The following GPD1L variants were observed in gnomAD, a reference collection of about 807,000 sequenced individuals.
GPD1L encodes the protein glycerol-3-phosphate dehydrogenase 1 like, also known as glycerol-3-phosphate dehydrogenase 1-like protein.
GPD1L carries 17 observed loss-of-function variants against 32.9 expected under a neutral mutation model. That is an observed-to-expected ratio of 0.52 (90% CI 0.35 to 0.78). The LOEUF is 0.78. Among genes scored for constraint, GPD1L ranks in the 30% least tolerant of loss-of-function variants. GPD1L has a pLI of 0.01. For synonymous variants in GPD1L, 187 were observed against 165.9 expected, an observed-to-expected ratio of 1.13 and a Z score of -0.98; for missense variants, 361 against 447.8, an observed-to-expected ratio of 0.81 and a Z score of 1.75.
At chr3:32,111,027 G>A (rs549643458) in intron 1 of GPD1L, among the ~76,000 whole-genome samples, 14 of 152,218 alleles carry the variant, frequency 9.2e-5, no homozygotes, top group East Asian at 3.9e-4. Context: ...CACCATGCCC[G>A]GCTAAGTTTT....
chr3:32,160,784 C>T (rs1041946804), intron 7 of GPD1L, among the ~76,000 whole-genome samples: 1 of 152,174 alleles, frequency 6.6e-6, no homozygotes, highest in Non-Finnish European at 1.5e-5. Context: ...AGCTTCCCAG[C>T]CTCTCCTGAG....
intron 7 of GPD1L, among the ~76,000 whole-genome samples, chr3:32,161,759 C>A (rs560617093): frequency 6.6e-6 from 1 of 152,326 alleles, no homozygotes; most frequent in Admixed American, 6.5e-5. Context: ...TCTCCTTGGT[C>A]ATGTCCCATT....
At position 32,163,263 on chromosome 3, in the gene GPD1L, G is replaced by C. The variant is rs547723605; in HGVS notation, c.960-2551G>C. 7.2e-4 allele frequency among the ~76,000 whole-genome samples: 103 copies of C among 142,580 alleles called. 2 individuals are homozygous for C. The highest frequency in any genetic ancestry group is 2.5e-3 in the African/African-American group (95 of 38,264). 93.5% of individuals were successfully genotyped at this position (142,580 alleles called of 152,430 possible). ...GGCTCACTGCAACCTCCACCTCCCA[G>C]GTTCACACCATTCTTCTGCCTCAGC... is the stretch of plus-strand genomic sequence containing the variant. On this transcript the variant is annotated intron_variant, in intron 7 of 7. Transcript: ENST00000282541.
chr3:32,133,522 G>A (rs781675109), intron 2 of GPD1L, among the ~76,000 whole-genome samples: 6 of 152,250 alleles, frequency 3.9e-5, no homozygotes, highest in South Asian at 2.1e-4. Context: ...AAAGACCTTG[G>A]AAGGAGTGTA....
intron 4 of GPD1L, among the ~76,000 whole-genome samples, chr3:32,146,040 C>G (rs929613511): frequency 6.6e-6 from 1 of 151,096 alleles, no homozygotes; most frequent in Admixed American, 6.6e-5. Flanking sequence ...GACATTGTGT[C>G]ACTTCTTGGT....
chr3:32,157,490 AC>A (rs1575121943), intron 5 of GPD1L, among the ~76,000 whole-genome samples: 2 of 151,742 alleles, frequency 1.3e-5, no homozygotes, highest in African/African-American at 4.8e-5. Flanking sequence ...TCCCCCTGCC[AC>A]CCGCTAGCCC....
At chr3:32,153,830 T>C (rs1262317880) in intron 5 of GPD1L, among the ~76,000 whole-genome samples, 2 of 152,114 alleles carry the variant, frequency 1.3e-5, no homozygotes, top group African/African-American at 2.4e-5. Flanking sequence ...GGAGAGGAAT[T>C]GAGCCCCATC....
At chr3:32,142,407 G>A (rs1038456776) in intron 4 of GPD1L, among the ~76,000 whole-genome samples, 3 of 152,070 alleles carry the variant, frequency 2.0e-5, no homozygotes, top group South Asian at 2.1e-4. Flanking sequence ...GTGAGCCACC[G>A]CGCCCGGCTG....
chr3:32,128,313 G>C, intron 2 of GPD1L, 60 bp downstream of exon 2: 1 of 1,405,724 alleles, frequency 7.1e-7, no homozygotes, highest in Non-Finnish European at 1.0e-6. Context: ...TGGCTGAGCA[G>C]CACTTGGGTT....
rs184787847 is a variant in GPD1L at position 32,115,963 on chromosome 3, T to C, written c.47+9205T>C. Among the ~76,000 whole-genome samples, 15 of 152,024 alleles carry C rather than the reference T, an allele frequency of 9.9e-5. No individual in the cohort carries two copies. In the East Asian group the frequency reaches 2.9e-3, roughly 29 times the overall value. On this transcript the variant is annotated intron_variant, in intron 1 of 7. Coordinates refer to ENST00000282541, the MANE Select transcript of GPD1L (RefSeq NM_015141.4). Reference sequence around the variant, plus strand: ...CCACCACGCCAGGCTAATTTTTTTGTATTTTTAGTAGAGACGGGGTTTCAC... The same window carrying C: ...CCACCACGCCAGGCTAATTTTTTTGCATTTTTAGTAGAGACGGGGTTTCAC...
chr3:32,159,702 A>G, intron 7 of GPD1L, 28 bp downstream of exon 7: 2 of 1,277,254 alleles, frequency 1.6e-6, no homozygotes, highest in Non-Finnish European at 2.3e-6. Flanking sequence ...CCATGAGACC[A>G]GATAAATGTC....
chr3:32,124,537 CA>C (rs1266102867), intron 1 of GPD1L, among the ~76,000 whole-genome samples: 1 of 152,202 alleles, frequency 6.6e-6, no homozygotes, highest in Admixed American at 6.5e-5. Flanking sequence ...AGTACCATTC[CA>C]GAGGCACAAA....
chr3:32,165,979 C>T lies in GPD1L; in HGVS notation c.*69C>T, dbSNP rs554490497. The T allele has an allele frequency of 3.1e-5, 26 of 842,360 alleles. No individual in the cohort carries two copies. The African/African-American group carries it at 4.0e-4, about 13-fold the overall frequency. The allele number at this position is 842,360 out of a possible 1,614,324, so 52.2% of individuals were successfully genotyped here. ...CAATCTTTTGGGTTCACGTGGAAACCAGGACTTGGCAACATGATGTTTGAC... is the reference window on the plus strand; with the variant it reads ...CAATCTTTTGGGTTCACGTGGAAACTAGGACTTGGCAACATGATGTTTGAC... On this transcript the variant is annotated 3_prime_UTR_variant, in exon 8 of 8. Transcript: ENST00000282541.
intron 5 of GPD1L, among the ~76,000 whole-genome samples, chr3:32,152,134 A>G (rs1349873225): frequency 1.3e-5 from 2 of 152,170 alleles, no homozygotes; most frequent in Non-Finnish European, 2.9e-5. Flanking sequence ...TGCTCCAATG[A>G]CTATTTCCTT....
intron 7 of GPD1L, among the ~76,000 whole-genome samples, chr3:32,163,994 C>T (rs1279256457): frequency 6.6e-6 from 1 of 152,190 alleles, no homozygotes; most frequent in Non-Finnish European, 1.5e-5. Flanking sequence ...TTCACTTTTA[C>T]ACTCAGGAAG....
chr3:32,158,693 C>A, intron 5 of GPD1L, 183 bp from the exon 6 acceptor site: 1 of 1,356,170 alleles, frequency 7.4e-7, no homozygotes, highest in Non-Finnish European at 9.9e-7. Context: ...ATATGGAAGC[C>A]CTGTCTCTCC....
chr3:32,135,292 G>A (rs567670038), intron 2 of GPD1L, among the ~76,000 whole-genome samples: 3 of 152,206 alleles, frequency 2.0e-5, no homozygotes, highest in Non-Finnish European at 4.4e-5. Flanking sequence ...ATCTGAGCAA[G>A]GCCAGTGTTG....
At chr3:32,163,577 G>A (rs7612865) in intron 7 of GPD1L, among the ~76,000 whole-genome samples, 60,270 of 151,940 alleles carry the variant, frequency 0.4, 13,079 homozygotes, top group East Asian at 0.6. Flanking sequence ...AGCATTTTAT[G>A]TAATAGAAAA....
At chr3:32,139,412 T>C (rs1700707644) in intron 3 of GPD1L, among the ~76,000 whole-genome samples, 1 of 152,244 alleles carries the variant, frequency 6.6e-6, no homozygotes. Flanking sequence ...CTTTTTCTAA[T>C]TGCATTAATA....
Sources: allele counts gnomAD v4.1 joint callset (sites outside exome capture counted in the v4.1 genomes callset), GRCh38; gene constraint gnomAD v4.1.1; transcripts MANE v1.5; gene names NCBI Gene and HGNC (gene_info 2026-07-23, HGNC 2026-07-21).